CDH23: variants seen among roughly 807,000 people sequenced by gnomAD.
The protein encoded by CDH23 is cadherin related 23, also known as cadherin-23.
Under a neutral mutation model 317.1 loss-of-function variants are expected in CDH23, and 189 were observed. The observed-to-expected ratio is 0.60, with a 90% CI of 0.53 to 0.67. The LOEUF (loss-of-function observed/expected upper bound fraction) is 0.67, where lower values mean the gene tolerates loss of function less well. Ranked by LOEUF, CDH23 falls within the 30% of genes least tolerant of loss-of-function variation. The probability of loss-of-function intolerance (pLI) is 0.00; values close to 1 mark genes in which losing one functional copy is unlikely to be tolerated. For synonymous variants in CDH23, 1,839 were observed against 1,876.8 expected (o/e 0.98, Z 0.52); for missense variants, 4,401 against 4,592.4 (o/e 0.96, Z 1.20).
chr10:71,794,428 A>G (rs886228805), intron 48 of CDH23: 9 of 152,238 alleles, frequency 5.9e-5, no homozygotes, highest in African/African-American at 1.9e-4. Flanking sequence ...ACTATCACGA[A>G]ACCAAGAGAA....
Position 71,413,299 on chromosome 10 carries a change from T to C in CDH23, c.-6+15981T>C, listed in dbSNP as rs189789142. Among the ~76,000 whole-genome samples the C allele has an allele frequency of 5.2e-4, 79 of 152,358 alleles. 1 individual carries two copies. Among genetic ancestry groups the C allele is most frequent in the African/African-American group, 1.9e-3 (77 of 41,586 alleles). On this transcript the variant is annotated intron_variant, in intron 1 of 69. Coordinates refer to ENST00000224721, the MANE Select transcript of CDH23 (RefSeq NM_022124.6). ...AATCAATTGTTTGTTTATGTGACAG[T>C]TTATTTCTAGGCTCTCGGTTCTGTT...
intron 11 of CDH23, among the ~76,000 whole-genome samples, chr10:71,637,915 T>C (rs1351113757): frequency 7.1e-6 from 1 of 141,032 alleles, no homozygotes; most frequent in Non-Finnish European, 1.5e-5. Context: ...CACATGACCC[T>C]GGTCCTTCCT....
At chr10:71,402,124 T>A (rs952640362) in intron 1 of CDH23, among the ~76,000 whole-genome samples, 4 of 152,134 alleles carry the variant, frequency 2.6e-5, no homozygotes, top group Non-Finnish European at 5.9e-5. Flanking sequence ...GCTCCATATA[T>A]TTGGGGCCTC....
intron 6 of CDH23, among the ~76,000 whole-genome samples, chr10:71,556,331 T>C (rs187057624): frequency 1.8e-4 from 27 of 152,196 alleles, no homozygotes; most frequent in Admixed American, 9.2e-4. Flanking sequence ...CTGGGCACCA[T>C]GGCTCATGCC....
At chr10:71,716,103 G>C (rs1866214268) in intron 28 of CDH23, 34 of 1,540,466 alleles carry the variant, frequency 2.2e-5, no homozygotes, top group Non-Finnish European at 3.0e-5. Flanking sequence ...GGGCTCCCAG[G>C]GTGGTGGGGC....
chr10:71,423,452 A>G (rs1442458725), intron 1 of CDH23, among the ~76,000 whole-genome samples: 1 of 152,172 alleles, frequency 6.6e-6, no homozygotes, highest in East Asian at 1.9e-4. Flanking sequence ...GGGCAAGTCC[A>G]TTGCCTCTGG....
chr10:71,507,420 G>A (rs1853703064), intron 3 of CDH23, among the ~76,000 whole-genome samples: 1 of 152,212 alleles, frequency 6.6e-6, no homozygotes, highest in Non-Finnish European at 1.5e-5. Context: ...GGCCGGACAT[G>A]GTGGCTCGCA....
chr10:71,643,565 C>A (rs867027095), intron 11 of CDH23, among the ~76,000 whole-genome samples: 3 of 151,688 alleles, frequency 2.0e-5, no homozygotes, highest in East Asian at 3.9e-4. Context: ...CCTTGCCCCC[C>A]CCTCACCTCC....
intron 1 of CDH23, among the ~76,000 whole-genome samples, chr10:71,398,514 T>TTGTGGGG (rs1031893014): frequency 8.4e-6 from 1 of 119,034 alleles, no homozygotes; most frequent in African/African-American, 3.2e-5. Context: ...AAGAATTAGG[T>TTGTGGGG]TGTGGGGTGT....
intron 3 of CDH23, among the ~76,000 whole-genome samples, chr10:71,500,800 T>TCTTTCC (rs1376353722): frequency 6.9e-6 from 1 of 145,234 alleles, no homozygotes; most frequent in Non-Finnish European, 1.5e-5. Flanking sequence ...TTTTCTTTTC[T>TCTTTCC]TTTCTTTTCT....
chr10:71,652,261 C>T (rs190298682), intron 14 of CDH23, among the ~76,000 whole-genome samples: 59 of 152,328 alleles, frequency 3.9e-4, no homozygotes, highest in Admixed American at 2.1e-3. Context: ...CCCAGCCTGT[C>T]CTTGGGAGGC....
intron 28 of CDH23, among the ~76,000 whole-genome samples, chr10:71,721,773 G>C (rs1281495114): frequency 6.6e-6 from 1 of 152,178 alleles, no homozygotes; most frequent in Non-Finnish European, 1.5e-5. Context: ...GGAGGTTCCA[G>C]GGCATCAGTG....
At chr10:71,741,042 G>GC in intron 37 of CDH23, 92 bp downstream of exon 37, 1 of 1,449,982 alleles carries the variant, frequency 6.9e-7, no homozygotes, top group South Asian at 1.2e-5. Context: ...TGTCTGCCTG[G>GC]CCCACTGGTC....
At chr10:71,807,493 C>A (rs1841765618) in intron 58 of CDH23, 23 bp from the exon 59 acceptor site, 1 of 1,613,170 alleles carries the variant, frequency 6.2e-7, no homozygotes, top group Non-Finnish European at 8.5e-7. Flanking sequence ...CCCCCTCACC[C>A]TGTGCCATGA....
chr10:71,812,057 C>T lies in CDH23; in HGVS notation c.9380+42C>T, dbSNP rs1033803840. 3.1e-6 allele frequency: 5 copies of T among 1,613,744 alleles called. No homozygotes were observed. The African/African-American group carries it at 6.7e-5, about 22-fold the overall frequency. ...CCCTGCCCGGTCCCCTGCGGGGAGT[C>T]CTGCCAGGACCCAGCTGGGGAGAGC... On this transcript the variant is annotated intron_variant, in intron 66 of 69. Transcript: ENST00000224721.
At chr10:71,442,660 G>A (rs899139534) in intron 2 of CDH23, among the ~76,000 whole-genome samples, 5 of 152,196 alleles carry the variant, frequency 3.3e-5, no homozygotes, top group Non-Finnish European at 5.9e-5. Flanking sequence ...GGGGAGGCAG[G>A]AAGCGAAGGC....
At chr10:71,760,026 TACACACACACAC>T (rs754921916) in intron 38 of CDH23, among the ~76,000 whole-genome samples, 1,311 of 66,808 alleles carry the variant, frequency 0.02, 254 homozygotes, top group Non-Finnish European at 0.033. Context: ...CACACATATA[TACACACACACAC>T]ATATATACAC....
intron 38 of CDH23, chr10:71,773,336 G>T (rs1840730779): frequency 6.3e-7 from 1 of 1,590,786 alleles, no homozygotes; most frequent in Non-Finnish European, 8.6e-7. Flanking sequence ...TTTTCCCAGC[G>T]CCCCGCCTCC....
intron 7 of CDH23, among the ~76,000 whole-genome samples, chr10:71,569,887 T>TA (rs1027151024): frequency 2.7e-5 from 4 of 150,902 alleles, no homozygotes; most frequent in Admixed American, 1.3e-4. Context: ...TGCCAAGCAT[T>TA]AAAAAAAAAT....
Sources: gnomAD v4.1 joint callset for allele counts (sites outside exome capture counted in the v4.1 genomes callset) on GRCh38, gnomAD v4.1.1 for gene constraint, MANE v1.5 for transcripts, NCBI Gene and HGNC (gene_info 2026-07-23, HGNC 2026-07-21) for gene names.